The following FAM227A variants were observed in gnomAD, a reference collection of about 807,000 sequenced individuals.
FAM227A encodes family with sequence similarity 227 member A.
Under a neutral mutation model 74.7 loss-of-function variants are expected in FAM227A, and 80 were observed. The observed-to-expected ratio is 1.07, with a 90% CI of 0.89 to 1.29. The LOEUF (loss-of-function observed/expected upper bound fraction) is 1.29. Among genes scored for constraint, FAM227A ranks in the 50% most tolerant of loss-of-function variants. The pLI is 0.00. For missense variants in FAM227A, 654 were observed against 683.4 expected, an observed-to-expected ratio of 0.96 and a Z score of 0.48; for synonymous variants, 237 against 241.8, an observed-to-expected ratio of 0.98 and a Z score of 0.19.
Position 38,599,835 on chromosome 22 carries a change from C to G in FAM227A, c.1308G>C (p.Gln436His). Reference protein sequence around the residue: ...GKSPLIVYFLQNYASLQQHGK... With the variant: ...GKSPLIVYFLHNYASLQQHGK... ...CGTGCTGCTGCAGACTGGCATAGTT[C>G]TGGAGAAAGTACACAATCAGAGGGC... is the stretch of plus-strand genomic sequence containing the variant. The change falls in exon 14 of 17, where the codon CAG becomes CAC. Residue 436 changes from glutamine to histidine, a missense_variant. Transcript: ENST00000535113. The G allele has an allele frequency of 6.4e-7, 1 of 1,551,560 alleles. No individual in the cohort carries two copies. Among genetic ancestry groups the G allele is most frequent in the South Asian group, 1.2e-5 (1 of 84,052 alleles).
chr22:38,639,354 A>G (rs1196648893), intron 4 of FAM227A, among the ~76,000 whole-genome samples: 1 of 151,240 alleles, frequency 6.6e-6, no homozygotes, highest in Non-Finnish European at 1.5e-5. Context: ...GGTTGCAGTG[A>G]GCAGAGATTA....
intron 2 of FAM227A, among the ~76,000 whole-genome samples, chr22:38,648,556 G>A (rs979530678): frequency 1.3e-5 from 2 of 151,436 alleles, no homozygotes; most frequent in African/African-American, 4.9e-5. Context: ...GCAGTGAGCC[G>A]AGATCATGCC....
intron 7 of FAM227A, 86 bp downstream of exon 7, chr22:38,628,748 C>G (rs2091859041): frequency 1.2e-6 from 1 of 840,490 alleles, no homozygotes; most frequent in South Asian, 1.5e-5. Flanking sequence ...ATCAGAGGGG[C>G]TTGTAGCTCA....
intron 6 of FAM227A, among the ~76,000 whole-genome samples, chr22:38,632,805 G>A (rs1355942646): frequency 6.6e-6 from 1 of 152,144 alleles, no homozygotes; most frequent in Non-Finnish European, 1.5e-5. Context: ...TCTACCAGAG[G>A]TCATCTAATA....
In FAM227A at chr22:38,645,552, A is replaced by T. The variant is rs1052460474; in HGVS notation, c.225+11T>A. The T allele has an allele frequency of 6.5e-7, 1 of 1,546,514 alleles. No homozygotes were observed. Among genetic ancestry groups the T allele is most frequent in the Non-Finnish European group, 8.8e-7 (1 of 1,142,474 alleles). Reference sequence around the variant, plus strand: ...AGAAGCTTTGTCTCAGCTCCAGCATAGGTAACTCACCAGGCTGTTGGCCGA... The same window carrying T: ...AGAAGCTTTGTCTCAGCTCCAGCATTGGTAACTCACCAGGCTGTTGGCCGA... On this transcript the variant is annotated intron_variant, in intron 3 of 16. Coordinates refer to ENST00000535113, the MANE Select transcript of FAM227A (RefSeq NM_001013647.2).
At chr22:38,593,159 T>A (rs1331990580) in intron 15 of FAM227A, among the ~76,000 whole-genome samples, 1 of 152,268 alleles carries the variant, frequency 6.6e-6, no homozygotes, top group African/African-American at 2.4e-5. Context: ...TCATAATGCC[T>A]GGTGCCCAGA....
At chr22:38,638,712 C>T (rs1476032726) in intron 5 of FAM227A, 34 bp downstream of exon 5, 47 of 1,444,570 alleles carry the variant, frequency 3.3e-5, no homozygotes, top group African/African-American at 5.7e-5. Flanking sequence ...TAGCAGAAGC[C>T]GGTCAGAAAC....
intron 11 of FAM227A, among the ~76,000 whole-genome samples, chr22:38,616,389 G>T (rs1247917983): frequency 6.6e-6 from 1 of 152,192 alleles, no homozygotes; most frequent in Non-Finnish European, 1.5e-5. Flanking sequence ...TTCTGGGCTG[G>T]ATGTGGCTCA....
rs915426309 is a variant in FAM227A at position 38,582,538 on chromosome 22, T to A, written c.*3587A>T. ...ATAAAGGGCAAATAATTCTTCCCCA[T>A]AATTTTCCCTTCTAATGTTTACAAA... On this transcript the variant is annotated 3_prime_UTR_variant, in exon 17 of 17. Transcript: ENST00000535113. The A allele has an allele frequency of 7.8e-6, 8 of 1,027,566 alleles. No homozygotes were observed. In the East Asian group the frequency reaches 1.0e-4, roughly 13 times the overall value. 63.7% of individuals were successfully genotyped at this position (1,027,566 alleles called of 1,614,324 possible).
intron 10 of FAM227A, among the ~76,000 whole-genome samples, chr22:38,621,383 C>CA (rs2091687820): frequency 7.5e-6 from 1 of 133,892 alleles, no homozygotes; most frequent in Non-Finnish European, 1.6e-5. Context: ...GAAAAGAAAA[C>CA]AAGAAAAAAA....
Position 38,640,338 on chromosome 22 carries a change from T to C in FAM227A, c.226-614A>G, listed in dbSNP as rs2092089006. On this transcript the variant is annotated intron_variant, in intron 3 of 16. Transcript: ENST00000535113. ...GTGAGCCACCACGTCCAGCCTCTTC[T>C]AGGGTTCTTATAAGGGTCAAAAATA... 2.0e-5 allele frequency among the ~76,000 whole-genome samples: 3 copies of C among 152,208 alleles called. No homozygotes were observed. The South Asian group carries it at 6.2e-4, about 32-fold the overall frequency.
rs1254025014 is a variant in FAM227A at position 38,578,282 on chromosome 22, G to C, written c.*7843C>G. 6.6e-6 allele frequency: 1 copy of C among 152,084 alleles called. No homozygotes were observed. The highest frequency in any genetic ancestry group is 1.5e-5 in the Non-Finnish European group (1 of 68,002). 9.4% of individuals were successfully genotyped at this position (152,084 alleles called of 1,614,324 possible). Reference sequence around the variant, plus strand: ...AAGGCTAAGAGTCGCTAGGTGATAGGAATTGTTTAGTTCCATTATAATCTT... The same window carrying C: ...AAGGCTAAGAGTCGCTAGGTGATAGCAATTGTTTAGTTCCATTATAATCTT... On this transcript the variant is annotated 3_prime_UTR_variant, in exon 17 of 17. Transcript: ENST00000535113.
intron 13 of FAM227A, among the ~76,000 whole-genome samples, chr22:38,603,010 A>G (rs961056170): frequency 2.0e-5 from 3 of 152,076 alleles, no homozygotes; most frequent in African/African-American, 7.2e-5. Context: ...AGTAGCTGGG[A>G]TTACAGGCAC....
chr22:38,633,512 T>C (rs1038315831), intron 6 of FAM227A, among the ~76,000 whole-genome samples: 4 of 152,032 alleles, frequency 2.6e-5, no homozygotes, highest in Admixed American at 6.6e-5. Flanking sequence ...AATTTGAAAA[T>C]AGAAGAAGTA....
chr22:38,613,093 TATTATATATAATTATATATATATTA>T (rs2091456803), intron 11 of FAM227A, among the ~76,000 whole-genome samples: 2 of 96,074 alleles, frequency 2.1e-5, no homozygotes, highest in African/African-American at 9.0e-5. Context: ...TATATATATA[TATTATATATAATTATATATATATTA>T]TATATAATTA....
In FAM227A at chr22:38,626,280, T is replaced by C; in HGVS notation, c.750A>G (p.Lys250=). 1 of 1,551,506 alleles carries C rather than the reference T, an allele frequency of 6.4e-7. No individual in the cohort carries two copies. The highest frequency in any genetic ancestry group is 1.2e-5 in the South Asian group (1 of 84,034). ...LLKRLPSLLS[K]AVYTSFCCCF... ...AGCAACAGAAGCTGGTGTACACGGC[T>C]TTGCTGAGAAGTGATGGCAGCCTCT... is the stretch of plus-strand genomic sequence containing the variant. The change falls in exon 9 of 17, where the codon AAA becomes AAG. Residue 250 remains lysine, a synonymous_variant. Transcript: ENST00000535113.
chr22:38,597,486 G>T, intron 14 of FAM227A, 130 bp from the exon 15 acceptor site: 1 of 885,294 alleles, frequency 1.1e-6, no homozygotes. Context: ...CTGCGTTTCT[G>T]GATAAGATAC....
chr22:38,588,078 A>G (rs2146120421), intron 16 of FAM227A, among the ~76,000 whole-genome samples: 1 of 152,356 alleles, frequency 6.6e-6, no homozygotes, highest in South Asian at 2.1e-4. Flanking sequence ...ATGGACATTT[A>G]TGATAAACCC....
chr22:38,610,745 G>C (rs904790502), intron 11 of FAM227A, among the ~76,000 whole-genome samples: 1 of 152,098 alleles, frequency 6.6e-6, no homozygotes, highest in Admixed American at 6.6e-5. Context: ...ACTCCCCATA[G>C]AGACCACGTC....
Sources: gnomAD v4.1 joint callset for allele counts (sites outside exome capture counted in the v4.1 genomes callset) on GRCh38, gnomAD v4.1.1 for gene constraint, MANE v1.5 for transcripts, NCBI Gene and HGNC (gene_info 2026-07-23, HGNC 2026-07-21) for gene names.